FGD5: variants seen among roughly 807,000 people sequenced by gnomAD.
FGD5 encodes the protein FYVE, RhoGEF and PH domain containing 5.
Under a neutral mutation model 133.4 loss-of-function variants are expected in FGD5, and 28 were observed. The observed-to-expected ratio is 0.21, with a 90% CI of 0.16 to 0.29. The LOEUF (loss-of-function observed/expected upper bound fraction) is 0.29. FGD5 is among the 10% of genes least tolerant of loss of function. The pLI, the probability that FGD5 is intolerant of heterozygous loss-of-function variation, is 1.00. For missense variants in FGD5, 1,858 were observed against 1,895.2 expected (o/e 0.98, Z 0.36); for synonymous variants, 810 against 776.5 (o/e 1.04, Z -0.72).
At position 14,812,001 on chromosome 3, in the gene FGD5, GGTGT is replaced by G. The variant is rs10644004; in HGVS notation, c.13+1163_13+1166del. Among the ~76,000 whole-genome samples, 1,178 of 145,648 alleles carry G rather than the reference GGTGT, an allele frequency of 8.1e-3. 16 individuals are homozygous for G. The highest frequency in any genetic ancestry group is 0.027 in the African/African-American group (1,083 of 39,744). On this transcript the variant is annotated intron_variant, in intron 1 of 1. Transcript: ENST00000640506. ...GGCTGTCTTGGAACCATATCCTGCT[GGTGT>G]GTGTGTGTGTGTGTGTGTGTGTGTG...
rs868559877 is a variant in FGD5 at position 14,875,143 on chromosome 3, G to C, written c.2659-5429G>C. Among the ~76,000 whole-genome samples, 16 of 152,318 alleles carry C rather than the reference G, an allele frequency of 1.1e-4. No individual in the cohort carries two copies. The Middle Eastern group carries it at 0.017, about 162-fold the overall frequency. On this transcript the variant is annotated intron_variant, in intron 2 of 19. Transcript: ENST00000285046. ...GGAGACTGTGTTCTCCTGGAGCCTA[G>C]TGCCCCATGTATCTGGGTTTCTGAG...
intron 1 of FGD5, among the ~76,000 whole-genome samples, chr3:14,835,913 A>G (rs1364952577): frequency 2.0e-5 from 3 of 152,146 alleles, no homozygotes; most frequent in Admixed American, 1.3e-4. Context: ...TGTACCTGAT[A>G]TGAAGAAGGG....
Position 14,820,671 on chromosome 3 carries a change from A to G in FGD5, c.1600A>G (p.Ser534Gly). 3 of 1,595,244 alleles carry G rather than the reference A, an allele frequency of 1.9e-6. No individual in the cohort carries two copies. The highest frequency in any genetic ancestry group is 2.6e-6 in the Non-Finnish European group (3 of 1,172,198). Residue 534 changes from serine (S) to glycine (G), a missense_variant, in exon 1 of 20, where the codon AGC (serine) becomes GGC (glycine). Ser to Gly is a moderately conservative substitution (Grantham distance 56). Around this residue, in one of 3 missense-constraint regions of FGD5, gnomAD observed 1,824 missense variants for 1,848.9 expected, o/e 0.99. Transcript: ENST00000285046. ...ATTGGAGGGGAAGCCCTTGGAAGCC[A>G]GCAGGGCCTTGCCAGCAAAGCCCAG... ...LSLEGKPLEA[S>G]RALPAKPRAF...
chr3:14,826,933 G>A (rs1575190730), intron 1 of FGD5, among the ~76,000 whole-genome samples: 2 of 152,148 alleles, frequency 1.3e-5, no homozygotes, highest in African/African-American at 4.8e-5. Context: ...CAGGGCTGCA[G>A]GCAACATCTG....
intron 2 of FGD5, among the ~76,000 whole-genome samples, chr3:14,871,168 T>C (rs2037599594): frequency 6.6e-6 from 1 of 152,206 alleles, no homozygotes; most frequent in African/African-American, 2.4e-5. Context: ...GCTATTTCCT[T>C]ATGCTGTAGT....
At chr3:14,884,364 A>G (rs570873087) in intron 4 of FGD5, among the ~76,000 whole-genome samples, 21 of 152,212 alleles carry the variant, frequency 1.4e-4, no homozygotes, top group Non-Finnish European at 2.9e-4. Context: ...TTCCCCACAC[A>G]GGAGGCCCAC....
In FGD5 at chr3:14,917,217, A is replaced by G. The variant is rs2038574185; in HGVS notation, c.3406-32A>G. 1 of 1,598,190 alleles carries G rather than the reference A, an allele frequency of 6.3e-7. No individual in the cohort carries two copies. On this transcript the variant is annotated intron_variant, in intron 11 of 19. Transcript: ENST00000285046. This position sits in a 1 kb window ranked among gnomAD's most constrained non-coding sequence, Gnocchi z 4.1. ...AAGCCTGGCGCAGCCTTCTGGGGCC[A>G]GGGTCCTCTCATAGGGTTTCCCTCT...
At chr3:14,926,307 C>A in intron 18 of FGD5, 109 bp downstream of exon 18, 1 of 1,461,176 alleles carries the variant, frequency 6.8e-7, no homozygotes. Context: ...GGCTGCTGAG[C>A]CAGTTCTGGT....
At chr3:14,895,907 A>G (rs1019830911) in intron 4 of FGD5, among the ~76,000 whole-genome samples, 2 of 152,232 alleles carry the variant, frequency 1.3e-5, no homozygotes, top group African/African-American at 4.8e-5. Flanking sequence ...CCAAGAAACT[A>G]ATAGAACTGA....
At chr3:14,825,288 G>A (rs1044487284) in intron 1 of FGD5, among the ~76,000 whole-genome samples, 1 of 152,030 alleles carries the variant, frequency 6.6e-6, no homozygotes, top group Admixed American at 6.6e-5. Flanking sequence ...TACAAAAGAA[G>A]GTTTTATCAT....
chr3:14,817,701 A>G (rs1195375510), upstream of FGD5, among the ~76,000 whole-genome samples: 1 of 152,182 alleles, frequency 6.6e-6, no homozygotes, highest in Non-Finnish European at 1.5e-5. Context: ...CCCTCCTGTT[A>G]GGAGCCAGGC....
chr3:14,914,778 A>T (rs1286549229), intron 11 of FGD5, among the ~76,000 whole-genome samples: 1 of 152,162 alleles, frequency 6.6e-6, no homozygotes, highest in Non-Finnish European at 1.5e-5. Flanking sequence ...TCTGGGCCTC[A>T]GTTTCTCCCT....
intron 4 of FGD5, among the ~76,000 whole-genome samples, chr3:14,894,262 C>T (rs1178314597): frequency 2.6e-5 from 4 of 152,194 alleles, no homozygotes; most frequent in South Asian, 4.1e-4. Flanking sequence ...CAGTTCCATC[C>T]GTGTTGCTGC....
rs561785088 is a variant in FGD5, at chr3:14,910,764, A to G, written c.3337-97A>G. 261 of 1,062,004 alleles carry G rather than the reference A, an allele frequency of 2.5e-4. 3 individuals are homozygous for G. In the South Asian group the frequency reaches 2.5e-3, roughly 10 times the overall value. 65.8% of individuals were successfully genotyped at this position (1,062,004 alleles called of 1,614,324 possible). ...GGCCTCCCCTGCACCCTTGTCTGGGATTGATTTAAGTTTCCACTCAGGGGC... is the reference window on the plus strand; with the variant it reads ...GGCCTCCCCTGCACCCTTGTCTGGGGTTGATTTAAGTTTCCACTCAGGGGC... On this transcript the variant is annotated intron_variant, in intron 10 of 19. Coordinates refer to ENST00000285046, the MANE Select transcript of FGD5 (RefSeq NM_152536.4).
chr3:14,894,164 G>T (rs2038088465), intron 4 of FGD5, among the ~76,000 whole-genome samples: 1 of 152,100 alleles, frequency 6.6e-6, no homozygotes, highest in Non-Finnish European at 1.5e-5. Context: ...ATCTTCATGA[G>T]ATCCACTTTT....
In FGD5 at chr3:14,864,226, A is replaced by G. The variant is rs2125104740; in HGVS notation, c.2624A>G (p.Asp875Gly). 6.2e-7 allele frequency: 1 copy of G among 1,613,986 alleles called. No individual in the cohort carries two copies. Among genetic ancestry groups the G allele is most frequent in the East Asian group, 2.2e-5 (1 of 44,878 alleles). Residue 875 changes from aspartate (D) to glycine (G), a missense_variant, in exon 2 of 20, where the codon GAC becomes GGC. Physicochemically the swap from Asp to Gly is moderately conservative, Grantham distance 94. Coordinates refer to ENST00000285046, the MANE Select transcript of FGD5 (RefSeq NM_152536.4). ...DEEQRSSEEE[D>G]SASRDPSVTH... ...GAGCAGAGAAGCTCGGAGGAGGAGG[A>G]CAGTGCTTCAAGAGACCCCAGTGTC...
In FGD5 at chr3:14,922,647, T is replaced by C. The variant is rs953676172; in HGVS notation, c.3807+99T>C. On this transcript the variant is annotated intron_variant, in intron 15 of 19. Coordinates refer to ENST00000285046, the MANE Select transcript of FGD5 (RefSeq NM_152536.4). The surrounding 1 kb of genome is among the most constrained non-coding windows in gnomAD (Gnocchi z 4.1). ...GGGCTCAGGGATGTCCAGCAGCTAC[T>C]GTAAGCCCCAGAGTGAGGCATGTTC... is the stretch of plus-strand genomic sequence containing the variant. 1 of 1,469,286 alleles carries C rather than the reference T, an allele frequency of 6.8e-7. No individual in the cohort carries two copies. The highest frequency in any genetic ancestry group is 1.4e-5 in the African/African-American group (1 of 72,084). 91.0% of individuals were successfully genotyped at this position (1,469,286 alleles called of 1,614,324 possible).
At chr3:14,919,184 T>G (rs1042158937) in intron 13 of FGD5, among the ~76,000 whole-genome samples, 11 of 152,108 alleles carry the variant, frequency 7.2e-5, no homozygotes, top group Non-Finnish European at 1.6e-4. Flanking sequence ...CAGTAAAAAA[T>G]GTATTGTGTG....
chr3:14,909,893 G>T (rs2038414787), intron 10 of FGD5, among the ~76,000 whole-genome samples: 1 of 151,288 alleles, frequency 6.6e-6, no homozygotes, highest in South Asian at 2.1e-4. Context: ...AGCCTCCCGA[G>T]TAGCTGGGAC....
Sources: allele counts gnomAD v4.1 joint callset (sites outside exome capture counted in the v4.1 genomes callset), GRCh38; gene constraint gnomAD v4.1.1; regional missense constraint gnomAD v4.1.1; non-coding constraint Gnocchi (gnomAD v3.1); transcripts MANE v1.5; gene names NCBI Gene and HGNC (gene_info 2026-07-23, HGNC 2026-07-21).